The following NEGR1 variants were observed in gnomAD, a reference collection of about 807,000 sequenced individuals.
NEGR1 encodes IgLON family member 4.
A neutral mutation model predicts 40.9 loss-of-function variants in NEGR1; 10 were observed. The observed-to-expected ratio is 0.24, with a 90% CI of 0.15 to 0.42. NEGR1 has a LOEUF of 0.42. Ranked by LOEUF, NEGR1 falls within the 10% of genes least tolerant of loss-of-function variation. The pLI is 1.00. For synonymous variants in NEGR1, 185 were observed against 166.8 expected (o/e 1.11, Z -0.84); for missense variants, 352 against 438.9 (o/e 0.80, Z 1.77).
intron 2 of NEGR1, among the ~76,000 whole-genome samples, chr1:71,828,944 C>T (rs1218359031): frequency 6.6e-6 from 1 of 151,922 alleles, no homozygotes; most frequent in Non-Finnish European, 1.5e-5. Context: ...TATTTCAGGG[C>T]AGGTTCATTT....
At chr1:71,817,730 A>G (rs1328494750) in intron 2 of NEGR1, among the ~76,000 whole-genome samples, 4 of 152,068 alleles carry the variant, frequency 2.6e-5, no homozygotes, top group Non-Finnish European at 5.9e-5. Flanking sequence ...ATGTAGTGAT[A>G]GAAACAGCAG....
At chr1:71,543,468 A>C (rs1259997555) in intron 6 of NEGR1, among the ~76,000 whole-genome samples, 1 of 151,750 alleles carries the variant, frequency 6.6e-6, no homozygotes, top group Non-Finnish European at 1.5e-5. Context: ...TCTGACCAAG[A>C]TATGTGCTTT....
chr1:72,061,003 A>C (rs775637789), intron 1 of NEGR1, among the ~76,000 whole-genome samples: 2 of 151,640 alleles, frequency 1.3e-5, no homozygotes, highest in Non-Finnish European at 3.0e-5. Flanking sequence ...CACAAGTTTT[A>C]GTTGTGTGAA....
intron 6 of NEGR1, among the ~76,000 whole-genome samples, chr1:71,591,160 T>C (rs1300941671): frequency 6.6e-6 from 1 of 152,140 alleles, no homozygotes; most frequent in African/African-American, 2.4e-5. Flanking sequence ...TTTTCACATT[T>C]GCCTTTATTA....
At chr1:71,845,734 T>TCTATCTATCTAC (rs1553169265) in intron 2 of NEGR1, among the ~76,000 whole-genome samples, 55 of 77,684 alleles carry the variant, frequency 7.1e-4, no homozygotes, top group African/African-American at 2.1e-3. Context: ...TATCTATCTA[T>TCTATCTATCTAC]CTACCTACCT....
chr1:71,602,271 G>A (rs1320244730), intron 5 of NEGR1, among the ~76,000 whole-genome samples: 3 of 58,350 alleles, frequency 5.1e-5, no homozygotes, highest in African/African-American at 6.6e-5. Context: ...TTTTTGAGAC[G>A]GAGTCTCGCT....
chr1:72,280,658 C>T (rs1656212145), intron 1 of NEGR1, among the ~76,000 whole-genome samples: 1 of 151,900 alleles, frequency 6.6e-6, no homozygotes, highest in East Asian at 1.9e-4. Context: ...ATTTGTTATT[C>T]AAAACAGAAA....
intron 3 of NEGR1, among the ~76,000 whole-genome samples, chr1:71,769,955 A>G (rs1488653607): frequency 6.6e-6 from 1 of 152,202 alleles, no homozygotes. Context: ...AGTTTAAGGA[A>G]GTTAACAATT....
intron 4 of NEGR1, among the ~76,000 whole-genome samples, chr1:71,645,724 G>A (rs542886831): frequency 8.0e-4 from 121 of 151,844 alleles, no homozygotes; most frequent in African/African-American, 2.7e-3. Context: ...GGAAGTAAGA[G>A]GCTAACATTT....
intron 6 of NEGR1, among the ~76,000 whole-genome samples, chr1:71,559,068 C>CAT (rs1398646220): frequency 3.9e-5 from 5 of 127,452 alleles, no homozygotes; most frequent in African/African-American, 8.5e-5. Context: ...CATGTGTATG[C>CAT]ATATATATAT....
chr1:71,807,620 C>T (rs1475779225), intron 2 of NEGR1, among the ~76,000 whole-genome samples: 1 of 152,064 alleles, frequency 6.6e-6, no homozygotes, highest in Non-Finnish European at 1.5e-5. Flanking sequence ...TGGATTTAGC[C>T]TCACTTTATG....
chr1:71,632,126 A>G (rs1285398772), intron 4 of NEGR1, among the ~76,000 whole-genome samples: 2 of 151,760 alleles, frequency 1.3e-5, no homozygotes, highest in Non-Finnish European at 3.0e-5. Context: ...AAATACTACT[A>G]TCACTCTGGT....
intron 4 of NEGR1, among the ~76,000 whole-genome samples, chr1:71,663,214 C>A (rs1652127148): frequency 6.6e-6 from 1 of 152,124 alleles, no homozygotes; most frequent in South Asian, 2.1e-4. Context: ...GCCTCGGCCT[C>A]CCAAAGTGCT....
chr1:72,125,501 T>C (rs1301084295), intron 1 of NEGR1, among the ~76,000 whole-genome samples: 1 of 152,044 alleles, frequency 6.6e-6, no homozygotes, highest in Non-Finnish European at 1.5e-5. Flanking sequence ...CTGAATTGCA[T>C]AGGCTTATTA....
chr1:71,585,528 C>A (rs1570067207), intron 6 of NEGR1, among the ~76,000 whole-genome samples: 1 of 152,020 alleles, frequency 6.6e-6, no homozygotes, highest in African/African-American at 2.4e-5. Flanking sequence ...AATGACAACA[C>A]CAAATACCAA....
intron 4 of NEGR1, among the ~76,000 whole-genome samples, chr1:71,654,674 T>C (rs1651822432): frequency 6.6e-6 from 1 of 152,136 alleles, no homozygotes; most frequent in Non-Finnish European, 1.5e-5. Flanking sequence ...AGATTTATCA[T>C]AGGTTAATAT....
At chr1:71,986,851 C>G (rs961124983) in intron 1 of NEGR1, among the ~76,000 whole-genome samples, 2 of 152,188 alleles carry the variant, frequency 1.3e-5, no homozygotes, top group Non-Finnish European at 2.9e-5. Context: ...TCTTCTGTCC[C>G]TTTTCCCCAG....
chr1:72,156,209 T>C (rs1000481312), intron 1 of NEGR1, among the ~76,000 whole-genome samples: 1 of 152,162 alleles, frequency 6.6e-6, no homozygotes, highest in Non-Finnish European at 1.5e-5. Context: ...GTTTGAATAA[T>C]CATTTTTATG....
intron 2 of NEGR1, among the ~76,000 whole-genome samples, chr1:71,914,912 T>C (rs1661527448): frequency 6.6e-6 from 1 of 152,174 alleles, no homozygotes; most frequent in African/African-American, 2.4e-5. Context: ...TTACCTATTT[T>C]AACTAAGTGG....
Sources: gnomAD v4.1 joint callset for allele counts (sites outside exome capture counted in the v4.1 genomes callset) on GRCh38, gnomAD v4.1.1 for gene constraint, MANE v1.5 for transcripts, NCBI Gene and HGNC (gene_info 2026-07-23, HGNC 2026-07-21) for gene names.